The following DNAJB6 variants were observed in gnomAD, a reference collection of about 807,000 sequenced individuals.
DNAJB6 encodes the protein DnaJ heat shock protein family (Hsp40) member B6.
DNAJB6 carries 16 observed loss-of-function variants against 42.7 expected under a neutral mutation model. That is an observed-to-expected ratio of 0.37 (90% confidence interval 0.25 to 0.57). The LOEUF (loss-of-function observed/expected upper bound fraction) is 0.57. Among genes scored for constraint, DNAJB6 ranks in the 20% least tolerant of loss-of-function variants. DNAJB6 has a pLI of 0.74. For synonymous variants in DNAJB6, 170 were observed against 163.5 expected (o/e 1.04, Z -0.30); for missense variants, 347 against 416.8 (o/e 0.83, Z 1.46).
chr7:157,412,195 T>C (rs1389205874), intron 9 of DNAJB6: 1 of 152,204 alleles, frequency 6.6e-6, no homozygotes, highest in African/African-American at 2.4e-5. Context: ...AAGAAACCGC[T>C]GCAGAGTTGG....
intron 4 of DNAJB6, 32 bp from the exon 5 acceptor site, chr7:157,367,341 C>A (rs1189856607): frequency 6.9e-7 from 1 of 1,447,266 alleles, no homozygotes; most frequent in African/African-American, 1.4e-5. Context: ...CACCAAAATT[C>A]ATAAACTAAA....
chr7:157,381,022 A>G (rs1300355951), intron 5 of DNAJB6: 1 of 151,854 alleles, frequency 6.6e-6, no homozygotes, highest in African/African-American at 2.4e-5. Context: ...AGTAGAGACA[A>G]AGTCTTGCTG....
intron 1 of DNAJB6, among the ~76,000 whole-genome samples, chr7:157,342,313 A>T (rs1310542850): frequency 4.8e-5 from 7 of 144,954 alleles, no homozygotes; most frequent in Non-Finnish European, 1.0e-4. Flanking sequence ...GATTACAGGC[A>T]CGTGCCACTA....
chr7:157,383,262 T>G (rs1800879741), intron 6 of DNAJB6, among the ~76,000 whole-genome samples: 1 of 152,124 alleles, frequency 6.6e-6, no homozygotes, highest in South Asian at 2.1e-4. Context: ...CGTCTTGGCC[T>G]CCCAAAGTGC....
At chr7:157,369,990 A>AGGCCCCTTCTTAACATTATTATTAAACG (rs1563128728) in intron 5 of DNAJB6, among the ~76,000 whole-genome samples, 9 of 145,156 alleles carry the variant, frequency 6.2e-5, no homozygotes, top group African/African-American at 2.4e-4. Context: ...ATTATTAAAC[A>AGGCCCCTTCTTAACATTATTATTAAACG]GGCCCCTTCT....
chr7:157,347,565 C>T (rs1225615626), intron 1 of DNAJB6, among the ~76,000 whole-genome samples: 5 of 152,182 alleles, frequency 3.3e-5, no homozygotes, highest in Admixed American at 1.3e-4. Flanking sequence ...TTTGAGCCCC[C>T]GTTTCCTCAC....
chr7:157,347,072 G>C (rs1798727073), intron 1 of DNAJB6, among the ~76,000 whole-genome samples: 1 of 151,970 alleles, frequency 6.6e-6, no homozygotes, highest in Admixed American at 6.6e-5. Context: ...AGCTAGGATG[G>C]TCTTGATCTC....
chr7:157,383,286 A>G lies in DNAJB6; in HGVS notation c.478+909A>G, dbSNP rs1800880861. On this transcript the variant is annotated intron_variant, in intron 6 of 9. Coordinates refer to ENST00000262177, the MANE Select transcript of DNAJB6 (RefSeq NM_058246.4). ...CTCCCAAAGTGCTAGGATTACAGGCATGAGCCACCACTCCTGGCCTGGAGC... is the reference window on the plus strand; with the variant it reads ...CTCCCAAAGTGCTAGGATTACAGGCGTGAGCCACCACTCCTGGCCTGGAGC... 2.0e-5 allele frequency among the ~76,000 whole-genome samples: 3 copies of G among 152,194 alleles called. No homozygotes were observed. The South Asian group carries it at 6.2e-4, about 31-fold the overall frequency.
intron 6 of DNAJB6, among the ~76,000 whole-genome samples, chr7:157,383,969 A>AACT (rs1800921173): frequency 6.6e-6 from 1 of 152,246 alleles, no homozygotes; most frequent in Non-Finnish European, 1.5e-5. Flanking sequence ...AATCATTAGA[A>AACT]AAGGTAAACT....
intron 8 of DNAJB6, among the ~76,000 whole-genome samples, chr7:157,404,175 C>T (rs1795658312): frequency 6.6e-6 from 1 of 151,794 alleles, no homozygotes. Flanking sequence ...CACTATGTTG[C>T]CCAGGCTGGT....
At chr7:157,342,333 A>AG (rs1798437953) in intron 1 of DNAJB6, among the ~76,000 whole-genome samples, 1 of 60,406 alleles carries the variant, frequency 1.7e-5, no homozygotes, top group Non-Finnish European at 2.8e-5. Flanking sequence ...ATCCTGGCTA[A>AG]TTTTTTTTTT....
intron 1 of DNAJB6, among the ~76,000 whole-genome samples, chr7:157,339,426 T>C (rs913816995): frequency 6.6e-6 from 1 of 151,040 alleles, no homozygotes; most frequent in Non-Finnish European, 1.5e-5. Flanking sequence ...GCCTCCCGAG[T>C]AGCTGGGACT....
At chr7:157,355,789 C>T (rs1218883836) in intron 1 of DNAJB6, among the ~76,000 whole-genome samples, 2 of 152,178 alleles carry the variant, frequency 1.3e-5, no homozygotes, top group Non-Finnish European at 2.9e-5. Flanking sequence ...GGAAACTAGC[C>T]ATTTGATGGA....
intron 1 of DNAJB6, among the ~76,000 whole-genome samples, chr7:157,350,350 C>T (rs1798904918): frequency 2.0e-5 from 3 of 152,096 alleles, no homozygotes; most frequent in African/African-American, 7.2e-5. Flanking sequence ...GATAAAGCCC[C>T]CAAATATCCA....
At chr7:157,365,601 T>C (rs997856140) in intron 3 of DNAJB6, among the ~76,000 whole-genome samples, 1 of 152,224 alleles carries the variant, frequency 6.6e-6, no homozygotes, top group African/African-American at 2.4e-5. Context: ...TCGTGTGATT[T>C]TAATGTAGCA....
At chr7:157,369,840 G>GGGCCCCTTCTTAACA (rs1563128364) in intron 5 of DNAJB6, among the ~76,000 whole-genome samples, 2 of 137,996 alleles carry the variant, frequency 1.4e-5, no homozygotes, top group Admixed American at 7.2e-5. Flanking sequence ...CTTTCATAAC[G>GGGCCCCTTCTTAACA]TTATTATTAA....
At chr7:157,399,828 CT>C (rs1162956771) in intron 8 of DNAJB6, among the ~76,000 whole-genome samples, 1 of 152,134 alleles carries the variant, frequency 6.6e-6, no homozygotes, top group Non-Finnish European at 1.5e-5. Flanking sequence ...GCCACCACCC[CT>C]GGCTAACTTT....
At chr7:157,407,694 T>C (rs1483201030) in intron 8 of DNAJB6, among the ~76,000 whole-genome samples, 1 of 152,132 alleles carries the variant, frequency 6.6e-6, no homozygotes, top group Admixed American at 6.5e-5. Flanking sequence ...AGCCTGCAGA[T>C]GCTTCTCGAC....
At chr7:157,354,243 G>C (rs375229568) in intron 1 of DNAJB6, among the ~76,000 whole-genome samples, 2 of 152,078 alleles carry the variant, frequency 1.3e-5, no homozygotes, top group East Asian at 1.9e-4. Flanking sequence ...CGCTTCCTGG[G>C]TTCAAGCGAT....
Sources: gnomAD v4.1 joint callset for allele counts (sites outside exome capture counted in the v4.1 genomes callset) on GRCh38, gnomAD v4.1.1 for gene constraint, MANE v1.5 for transcripts, NCBI Gene and HGNC (gene_info 2026-07-23, HGNC 2026-07-21) for gene names.